ADGRL2: variants seen among roughly 807,000 people sequenced by gnomAD.
ADGRL2 encodes the protein adhesion G protein-coupled receptor L2, also known as calcium-independent alpha-latrotoxin receptor 2.
Under a neutral mutation model 157.4 loss-of-function variants are expected in ADGRL2, and 44 were observed. The observed-to-expected ratio is 0.28, with a 90% confidence interval of 0.22 to 0.36. The LOEUF is 0.36. Among genes scored for constraint, ADGRL2 ranks in the 10% least tolerant of loss-of-function variants. ADGRL2 has a pLI of 1.00. For synonymous variants in ADGRL2, 585 were observed against 624.7 expected (o/e 0.94, Z 0.95); for missense variants, 1,510 against 1,768.9 (o/e 0.85, Z 2.63).
At chr1:81,556,865 C>T (rs990351900) in intron 2 of ADGRL2, among the ~76,000 whole-genome samples, 2 of 151,736 alleles carry the variant, frequency 1.3e-5, no homozygotes, top group Non-Finnish European at 2.9e-5. Context: ...ATCACGAGGT[C>T]AGGAGTTTGA....
At chr1:81,617,794 C>G (rs571278863) in intron 3 of ADGRL2, among the ~76,000 whole-genome samples, 2 of 152,166 alleles carry the variant, frequency 1.3e-5, no homozygotes, top group African/African-American at 4.8e-5. Context: ...AAATATTCCC[C>G]GTGGAATTAC....
At chr1:81,638,297 G>T (rs2082152109) in intron 3 of ADGRL2, among the ~76,000 whole-genome samples, 1 of 151,986 alleles carries the variant, frequency 6.6e-6, no homozygotes, top group Admixed American at 6.6e-5. Flanking sequence ...TAGAGAAAAG[G>T]AAAATGAGAA....
chr1:81,435,007 A>T (rs922149237), intron 1 of ADGRL2, among the ~76,000 whole-genome samples: 3 of 152,228 alleles, frequency 2.0e-5, no homozygotes, highest in African/African-American at 7.2e-5. Context: ...ATAAAAATGT[A>T]CCAGTCCCTG....
intron 1 of ADGRL2, among the ~76,000 whole-genome samples, chr1:81,743,717 G>A (rs1447944732): frequency 3.3e-5 from 5 of 151,938 alleles, no homozygotes; most frequent in South Asian, 4.1e-4. Flanking sequence ...CCTTATTACC[G>A]TGTATGATGT....
intron 2 of ADGRL2, among the ~76,000 whole-genome samples, chr1:81,782,509 G>C (rs1330509109): frequency 1.3e-5 from 2 of 152,116 alleles, no homozygotes; most frequent in African/African-American, 4.8e-5. Flanking sequence ...ATAGATGTTA[G>C]TTACACCCAG....
At chr1:81,482,850 ATTATAT>A (rs1176773964) in intron 2 of ADGRL2, among the ~76,000 whole-genome samples, 1 of 151,348 alleles carries the variant, frequency 6.6e-6, no homozygotes, top group Non-Finnish European at 1.5e-5. Flanking sequence ...TATTTTATAC[ATTATAT>A]TTATATTAGC....
At chr1:81,754,227 C>T (rs202121551) in intron 1 of ADGRL2, among the ~76,000 whole-genome samples, 8 of 133,530 alleles carry the variant, frequency 6.0e-5, no homozygotes, top group African/African-American at 1.4e-4. Context: ...CTTCCTCTCT[C>T]TCTTTCTTTC....
At chr1:81,978,564 A>G (rs904244370) in intron 17 of ADGRL2, among the ~76,000 whole-genome samples, 10 of 151,832 alleles carry the variant, frequency 6.6e-5, no homozygotes, top group Non-Finnish European at 1.2e-4. Context: ...AAGAGAAATC[A>G]TAGGGCACAG....
At chr1:81,460,552 T>C (rs985202405) in intron 2 of ADGRL2, among the ~76,000 whole-genome samples, 1 of 152,168 alleles carries the variant, frequency 6.6e-6, no homozygotes, top group Non-Finnish European at 1.5e-5. Flanking sequence ...CTTAAAACTT[T>C]CTTTAAAATT....
At chr1:81,368,216 C>T (rs1322618832) in intron 1 of ADGRL2, among the ~76,000 whole-genome samples, 1 of 152,140 alleles carries the variant, frequency 6.6e-6, no homozygotes, top group Non-Finnish European at 1.5e-5. Context: ...TTAATAATCA[C>T]CATTCTGACT....
intron 6 of ADGRL2, 66 bp from the exon 7 acceptor site, chr1:81,950,123 G>GA: frequency 7.6e-7 from 1 of 1,312,082 alleles, no homozygotes; most frequent in Non-Finnish European, 1.1e-6. Flanking sequence ...CACATTCCAT[G>GA]TGTGCATGAC....
rs1387947525 is a variant in ADGRL2, at chr1:81,503,431, A to G, written c.-248+58342A>G. On this transcript the variant is annotated intron_variant, in intron 2 of 24. Coordinates refer to the ADGRL2 transcript ENST00000370721. ...ACCAAGTCCTACCTCATCCCGGGGC[A>G]CCCCCAGCGCAGAGCCCTCCACCAG... 1.5e-5 allele frequency: 25 copies of G among 1,613,020 alleles called. No individual in the cohort carries two copies. The Admixed American group carries it at 1.8e-4, about 12-fold the overall frequency.
chr1:81,486,029 G>C (rs1376807990), intron 2 of ADGRL2, among the ~76,000 whole-genome samples: 3 of 152,176 alleles, frequency 2.0e-5, no homozygotes, highest in African/African-American at 7.2e-5. Flanking sequence ...AAGCCACTGT[G>C]CTAATATTCT....
chr1:81,348,109 A>C (rs1169684179), intron 1 of ADGRL2, among the ~76,000 whole-genome samples: 2 of 152,208 alleles, frequency 1.3e-5, no homozygotes, highest in Non-Finnish European at 2.9e-5. Flanking sequence ...AGAGCTGAAG[A>C]AGCAGAGCTG....
chr1:81,400,407 G>A (rs1287869074), intron 1 of ADGRL2, among the ~76,000 whole-genome samples: 1 of 152,128 alleles, frequency 6.6e-6, no homozygotes, highest in Non-Finnish European at 1.5e-5. Flanking sequence ...GTGACTCTAA[G>A]GCACTGCCTA....
At chr1:81,351,803 C>T (rs1050822751) in intron 1 of ADGRL2, among the ~76,000 whole-genome samples, 2 of 152,192 alleles carry the variant, frequency 1.3e-5, no homozygotes, top group African/African-American at 2.4e-5. Flanking sequence ...TGAATGACTA[C>T]ATAGGTGACA....
At chr1:81,440,668 C>A (rs537796475) in intron 1 of ADGRL2, among the ~76,000 whole-genome samples, 1 of 152,310 alleles carries the variant, frequency 6.6e-6, no homozygotes, top group South Asian at 2.1e-4. Context: ...ACACAATGCA[C>A]CACACCTAAA....
chr1:81,312,434 G>A (rs139010368), intron 1 of ADGRL2, among the ~76,000 whole-genome samples: 6 of 152,288 alleles, frequency 3.9e-5, no homozygotes, highest in South Asian at 4.1e-4. Flanking sequence ...ACAGAAAAAG[G>A]AGTTTGGGGT....
At position 81,970,528 on chromosome 1, in the gene ADGRL2, A is replaced by G; in HGVS notation, c.2948A>G (p.Glu983Gly). The G allele has an allele frequency of 1.9e-6, 3 of 1,605,932 alleles. No homozygotes were observed. The highest frequency in any genetic ancestry group is 1.7e-6 in the Non-Finnish European group (2 of 1,177,316). ...AAIDYKSYGT[E>G]KACWLHVDNY... is the part of the protein sequence containing the mutation. ...ATTGACTATAAGAGCTATGGAACAG[A>G]AAAAGCGTAAGTAATTGCAAGCGAC... The change falls in exon 16 of 24, where the codon GAA (glutamate) becomes GGA (glycine). Residue 983 changes from glutamate to glycine, a missense_variant. This residue lies in a region of ADGRL2 where 497 missense variants were observed against 627.2 expected (regional missense o/e 0.79). Transcript: ENST00000686636.
Sources: allele counts gnomAD v4.1 joint callset (sites outside exome capture counted in the v4.1 genomes callset), GRCh38; gene constraint gnomAD v4.1.1; regional missense constraint gnomAD v4.1.1; transcripts MANE v1.5; gene names NCBI Gene and HGNC (gene_info 2026-07-23, HGNC 2026-07-21).